RGL3: variants seen among roughly 807,000 people sequenced by gnomAD.
RGL3 encodes the protein ral guanine nucleotide dissociation stimulator like 3, also known as ral guanine nucleotide dissociation stimulator-like 3.
A neutral mutation model predicts 90.6 loss-of-function variants in RGL3; 85 were observed. The observed-to-expected ratio is 0.94, with a 90% CI of 0.79 to 1.12. RGL3 has a LOEUF of 1.12. Among genes scored for constraint, RGL3 ranks in the 50% most tolerant of loss-of-function variants. The probability of loss-of-function intolerance (pLI) is 0.00; values close to 1 mark genes in which losing one functional copy is unlikely to be tolerated. For missense variants in RGL3, 1,034 were observed against 939.2 expected, an observed-to-expected ratio of 1.10 and a Z score of -1.32; for synonymous variants, 408 against 385.5, an observed-to-expected ratio of 1.06 and a Z score of -0.68.
intron 7 of RGL3, 87 bp downstream of exon 7, chr19:11,406,332 C>T (rs947795178): frequency 1.5e-6 from 2 of 1,305,418 alleles, no homozygotes; most frequent in Non-Finnish European, 2.1e-6. Flanking sequence ...CTCGCCTAGA[C>T]TCGCCCCTAT....
In RGL3 at chr19:11,414,516, T is replaced by C. The variant is rs1457716589; in HGVS notation, c.637+1421A>G. On this transcript the variant is annotated intron_variant, in intron 5 of 18. Coordinates refer to ENST00000380456, the MANE Select transcript of RGL3 (RefSeq NM_001035223.4). ...ATATATATATATATATATATATATA[T>C]ATATATATATATACCTTTATATATA... 2.9e-4 allele frequency among the ~76,000 whole-genome samples: 29 copies of C among 100,602 alleles called. 3 individuals carry two copies. The highest frequency in any genetic ancestry group is 9.8e-4 in the African/African-American group (26 of 26,542). The allele number at this position is 100,602 out of a possible 152,430, so 66.0% of individuals were successfully genotyped here.
chr19:11,400,051 G>C lies in RGL3; in HGVS notation c.1638C>G (p.Ser546=), dbSNP rs1968645521. 1.2e-6 allele frequency: 2 copies of C among 1,607,454 alleles called. No individual in the cohort carries two copies. The highest frequency in any genetic ancestry group is 1.7e-6 in the Non-Finnish European group (2 of 1,177,972). Residue 546 remains serine, a synonymous_variant, in exon 15 of 19, where the codon TCC becomes TCG. Transcript: ENST00000380456. ...SPSGSPGDPS[S]PTSSVSPGSP... ...AGCAGAATGCTCACCTGGAGGTGGG[G>C]GATGAGGGGTCCCCGGGACTCCCAC... is the stretch of plus-strand genomic sequence containing the variant.
At chr19:11,403,888 T>C (rs1172224236) in intron 9 of RGL3, among the ~76,000 whole-genome samples, 1 of 152,044 alleles carries the variant, frequency 6.6e-6, no homozygotes, top group African/African-American at 2.4e-5. Context: ...ACTTTTTATT[T>C]CATTTTATTT....
chr19:11,401,853 T>C (rs1328312632), intron 13 of RGL3, among the ~76,000 whole-genome samples, 158 bp downstream of exon 13: 1 of 152,122 alleles, frequency 6.6e-6, no homozygotes, highest in Non-Finnish European at 1.5e-5. Flanking sequence ...GTCTATTTGA[T>C]TCGACTGGAG....
intron 18 of RGL3, among the ~76,000 whole-genome samples, chr19:11,395,962 C>T (rs1220202533): frequency 7.3e-6 from 1 of 137,386 alleles, no homozygotes; most frequent in Non-Finnish European, 1.6e-5. Flanking sequence ...GGGTCTTGCT[C>T]TGTCACCCAG....
Position 11,418,516 on chromosome 19 carries a change from C to T in RGL3, c.147+155G>A, listed in dbSNP as rs111616139. The stretch of plus-strand genomic sequence containing the variant: ...ATCTCCCCCCACTTACCTGGCCGCC[C>T]CCAGTCCCCTTTCTACCTGGTCGCC... On this transcript the variant is annotated intron_variant, in intron 2 of 18. Transcript: ENST00000380456. 819 of 613,598 alleles carry T rather than the reference C, an allele frequency of 1.3e-3. 4 individuals are homozygous for T. In the African/African-American group the frequency reaches 0.014, roughly 10 times the overall value. 38.0% of individuals were successfully genotyped at this position (613,598 alleles called of 1,614,324 possible).
At chr19:11,395,366 C>T (rs996938312) in intron 18 of RGL3, among the ~76,000 whole-genome samples, 13 of 152,192 alleles carry the variant, frequency 8.5e-5, no homozygotes, top group Non-Finnish European at 5.9e-5. Context: ...TGTACTTCAG[C>T]GTGAATACGC....
chr19:11,400,077 T>C lies in RGL3; in HGVS notation c.1612A>G (p.Ser538Gly). 6.2e-7 allele frequency: 1 copy of C among 1,610,368 alleles called. No individual in the cohort carries two copies. The highest frequency in any genetic ancestry group is 8.5e-7 in the Non-Finnish European group (1 of 1,178,622). ...KLAREKSSSP[S>G]GSPGDPSSPT... is the part of the protein sequence containing the mutation. ...GATGAGGGGTCCCCGGGACTCCCAC[T>C]AGGTGATGAGCTTTTCTCTCGGGCA... The change falls in exon 15 of 19, where the codon AGT becomes GGT. Residue 538 changes from serine (S) to glycine (G), a missense_variant. By Grantham distance (56) the Ser-to-Gly change is moderately conservative. Transcript: ENST00000380456.
At chr19:11,418,364 C>A (rs367750322) in intron 2 of RGL3, 1 of 391,020 alleles carries the variant, frequency 2.6e-6, no homozygotes, top group East Asian at 5.4e-5. Context: ...CCCCATTCCA[C>A]CTTCCAGCCC....
Position 11,397,370 on chromosome 19 carries a change from G to A in RGL3, c.1900-12C>T. 5 of 1,593,872 alleles carry A rather than the reference G, an allele frequency of 3.1e-6. No homozygotes were observed. The highest frequency in any genetic ancestry group is 4.3e-6 in the Non-Finnish European group (5 of 1,169,110). On this transcript the variant is annotated splice_polypyrimidine_tract_variant and intron_variant, in intron 17 of 18. Transcript: ENST00000380456. ...TCCTGACTGGTCAGCTGGAAGAGAG[G>A]GGCGGGAGGTGAGGTGAGGGCCCCG...
In RGL3 at chr19:11,415,992, A is replaced by G. The variant is rs1968986793; in HGVS notation, c.582T>C (p.Asp194=). The change falls in exon 5 of 19, where the codon GAT becomes GAC. Residue 194 remains aspartate, a synonymous_variant. Coordinates refer to ENST00000380456, the MANE Select transcript of RGL3 (RefSeq NM_001035223.4). ...GCTCTCGCTCAGCCTCCTCCAAAAAATCTTCCAGAAGCTTCTCTGCTTTTT... is the reference window on the plus strand; with the variant it reads ...GCTCTCGCTCAGCCTCCTCCAAAAAGTCTTCCAGAAGCTTCTCTGCTTTTT... ...EAQKAEKLLE[D]FLEEAEREQE... The G allele has an allele frequency of 6.2e-7, 1 of 1,613,730 alleles. No individual in the cohort carries two copies. The highest frequency in any genetic ancestry group is 8.5e-7 in the Non-Finnish European group (1 of 1,179,972).
At chr19:11,410,444 G>A (rs1968855088) in intron 5 of RGL3, among the ~76,000 whole-genome samples, 1 of 152,096 alleles carries the variant, frequency 6.6e-6, no homozygotes, top group South Asian at 2.1e-4. Flanking sequence ...CACTTTTGGA[G>A]GTTGAGGTAG....
chr19:11,400,085 G>A lies in RGL3; in HGVS notation c.1604C>T (p.Ser535Leu). The A allele has an allele frequency of 6.2e-7, 1 of 1,610,130 alleles. No homozygotes were observed. The highest frequency in any genetic ancestry group is 8.5e-7 in the Non-Finnish European group (1 of 1,178,418). The change falls in exon 15 of 19, where the codon TCA becomes TTA. Residue 535 changes from serine to leucine, a missense_variant. Transcript: ENST00000380456. ...LSAKLAREKS[S>L]SPSGSPGDPS... is the part of the protein sequence containing the mutation. ...GTCCCCGGGACTCCCACTAGGTGAT[G>A]AGCTTTTCTCTCGGGCAAGCTTCCT...
At chr19:11,404,513 C>T (rs1006295239) in intron 9 of RGL3, among the ~76,000 whole-genome samples, 4 of 152,008 alleles carry the variant, frequency 2.6e-5, no homozygotes, top group East Asian at 1.9e-4. Flanking sequence ...GGTGACAGAG[C>T]GAGACTCTGT....
chr19:11,401,653 G>A (rs1041234508), intron 13 of RGL3, among the ~76,000 whole-genome samples: 1 of 151,692 alleles, frequency 6.6e-6, no homozygotes, highest in Non-Finnish European at 1.5e-5. Flanking sequence ...CACCCGCCTC[G>A]GCCTCCCAAA....
In RGL3 at chr19:11,404,871, C is replaced by T. The variant is rs73922653; in HGVS notation, c.1185+276G>A. ...CTCAGAACATTTTTTTTGTTCCCAC[C>T]CTGTGCTATGACTCTGGCCTTAAGT... On this transcript the variant is annotated intron_variant, in intron 9 of 18. Coordinates refer to ENST00000380456, the MANE Select transcript of RGL3 (RefSeq NM_001035223.4). 2.9e-3 allele frequency among the ~76,000 whole-genome samples: 446 copies of T among 152,126 alleles called. 4 individuals carry two copies. Among genetic ancestry groups the T allele is most frequent in the African/African-American group, 0.01 (430 of 41,516 alleles).
In RGL3 at chr19:11,402,490, C is replaced by T. The variant is rs1471989708; in HGVS notation, c.1294G>A (p.Val432Ile). Residue 432 changes from valine (V) to isoleucine (I), a missense_variant, in exon 11 of 19, where the codon GTT becomes ATT. Physicochemically the swap from Val to Ile is conservative, Grantham distance 29 (BLOSUM62 3). Coordinates refer to ENST00000380456, the MANE Select transcript of RGL3 (RefSeq NM_001035223.4). ...PYLGTFLTDLVMLDTALPDML... is the reference protein window; with the variant it reads ...PYLGTFLTDLIMLDTALPDML... Reference sequence around the variant, plus strand: ...TCCGGCAGGGCTGTGTCCAGCATAACCAGGTCCGTAAGGAAGGTGCCAAGG... The same window carrying T: ...TCCGGCAGGGCTGTGTCCAGCATAATCAGGTCCGTAAGGAAGGTGCCAAGG... 1.2e-6 allele frequency: 2 copies of T among 1,605,246 alleles called. No individual in the cohort carries two copies. The highest frequency in any genetic ancestry group is 1.8e-5 in the Admixed American group (1 of 56,960).
intron 18 of RGL3, 44 bp downstream of exon 18, chr19:11,397,199 CT>C: frequency 6.4e-7 from 1 of 1,552,262 alleles, no homozygotes; most frequent in Non-Finnish European, 8.8e-7. Flanking sequence ...GTCTGCTCGC[CT>C]CCCCGCTGCC....
At chr19:11,408,377 T>C (rs879368681) in intron 5 of RGL3, among the ~76,000 whole-genome samples, 18 of 151,364 alleles carry the variant, frequency 1.2e-4, no homozygotes, top group Non-Finnish European at 2.2e-4. Context: ...AGGTCAGGAG[T>C]TCGAGACCAG....
Sources: gnomAD v4.1 joint callset for allele counts (sites outside exome capture counted in the v4.1 genomes callset) on GRCh38, gnomAD v4.1.1 for gene constraint, MANE v1.5 for transcripts, NCBI Gene and HGNC (gene_info 2026-07-23, HGNC 2026-07-21) for gene names.